The following ITGA8 variants were observed in gnomAD, a reference collection of about 807,000 sequenced individuals.
ITGA8 encodes the protein integrin subunit alpha 8, also known as integrin alpha-8.
A neutral mutation model predicts 142.3 loss-of-function variants in ITGA8; 91 were observed. The observed-to-expected ratio is 0.64, with a 90% CI of 0.54 to 0.76. The LOEUF is 0.76. Among genes scored for constraint, ITGA8 ranks in the 30% least tolerant of loss-of-function variants. The probability of loss-of-function intolerance (pLI) is 0.00; values close to 1 mark genes in which losing one functional copy is unlikely to be tolerated. For synonymous variants in ITGA8, 505 were observed against 485.2 expected, an observed-to-expected ratio of 1.04 and a Z score of -0.54; for missense variants, 1,406 against 1,327.7, an observed-to-expected ratio of 1.06 and a Z score of -0.92.
At chr10:15,712,538 T>C (rs1469754708) in intron 2 of ITGA8, among the ~76,000 whole-genome samples, 1 of 151,834 alleles carries the variant, frequency 6.6e-6, no homozygotes, top group Admixed American at 6.6e-5. Flanking sequence ...GAGATGGAGG[T>C]TGCAGTTAGC....
At chr10:15,609,951 G>A (rs1479699600) in intron 15 of ITGA8, among the ~76,000 whole-genome samples, 1 of 151,940 alleles carries the variant, frequency 6.6e-6, no homozygotes, top group Non-Finnish European at 1.5e-5. Context: ...CTTATGGGAT[G>A]GTATATAGTT....
At chr10:15,674,466 G>A (rs1834588448) in intron 6 of ITGA8, among the ~76,000 whole-genome samples, 2 of 152,172 alleles carry the variant, frequency 1.3e-5, no homozygotes, top group Admixed American at 1.3e-4. Context: ...TTAACCAAGT[G>A]AATTAGAAGA....
chr10:15,569,392 C>T (rs986530631), intron 25 of ITGA8, among the ~76,000 whole-genome samples: 1 of 152,140 alleles, frequency 6.6e-6, no homozygotes, highest in African/African-American at 2.4e-5. Context: ...GAGGCACTTA[C>T]TATCTAGATC....
At chr10:15,531,431 T>C (rs1252046375) in intron 27 of ITGA8, among the ~76,000 whole-genome samples, 1 of 120,122 alleles carries the variant, frequency 8.3e-6, no homozygotes, top group Non-Finnish European at 1.9e-5. Flanking sequence ...TCCATTTATC[T>C]TCTTCCTATT....
At chr10:15,617,681 G>A (rs757183439) in intron 13 of ITGA8, among the ~76,000 whole-genome samples, 1 of 152,188 alleles carries the variant, frequency 6.6e-6, no homozygotes. Flanking sequence ...TTACAGGCAT[G>A]AGCCACTGCA....
intron 7 of ITGA8, among the ~76,000 whole-genome samples, chr10:15,672,252 A>C (rs1160789661): frequency 1.3e-5 from 2 of 152,216 alleles, no homozygotes; most frequent in African/African-American, 4.8e-5. Flanking sequence ...TTTGTGCATA[A>C]TATAATTTGA....
At chr10:15,699,000 A>C (rs940261016) in intron 2 of ITGA8, among the ~76,000 whole-genome samples, 1 of 152,178 alleles carries the variant, frequency 6.6e-6, no homozygotes, top group African/African-American at 2.4e-5. Flanking sequence ...AAAACATGGC[A>C]TTTGGCTAGG....
chr10:15,696,466 A>G (rs1466741902), intron 2 of ITGA8, among the ~76,000 whole-genome samples: 3 of 152,202 alleles, frequency 2.0e-5, no homozygotes, highest in African/African-American at 7.2e-5. Context: ...GGATCCGAAC[A>G]GGCATTACAG....
intron 25 of ITGA8, among the ~76,000 whole-genome samples, chr10:15,560,349 G>A (rs1332560838): frequency 3.3e-5 from 5 of 152,036 alleles, no homozygotes; most frequent in Admixed American, 1.3e-4. Context: ...TGGTGGAGGT[G>A]GAAATTTAAC....
At chr10:15,583,446 T>C (rs1392981724) in intron 23 of ITGA8, among the ~76,000 whole-genome samples, 3 of 152,174 alleles carry the variant, frequency 2.0e-5, no homozygotes, top group East Asian at 1.9e-4. Flanking sequence ...CAAACCATCA[T>C]GGCACTTGTA....
At chr10:15,698,589 T>C (rs1013940798) in intron 2 of ITGA8, among the ~76,000 whole-genome samples, 23 of 152,218 alleles carry the variant, frequency 1.5e-4, no homozygotes, top group Non-Finnish European at 8.8e-5. Flanking sequence ...TTAAAATTTT[T>C]TAATTATAGC....
chr10:15,529,051 CCTTCCTTTCTTCCTTT>C (rs202182852), intron 28 of ITGA8, among the ~76,000 whole-genome samples: 4 of 149,912 alleles, frequency 2.7e-5, no homozygotes, highest in South Asian at 2.1e-4. Flanking sequence ...CTCCTTCCTT[CCTTCCTTTCTTCCTTT>C]CTTCCTTTCT....
intron 2 of ITGA8, among the ~76,000 whole-genome samples, chr10:15,688,946 C>T (rs933177726): frequency 6.6e-6 from 1 of 152,180 alleles, no homozygotes; most frequent in Non-Finnish European, 1.5e-5. Context: ...AACAAATGCT[C>T]ACTCTCCCCA....
intron 25 of ITGA8, among the ~76,000 whole-genome samples, chr10:15,558,968 C>T (rs906934899): frequency 1.1e-4 from 17 of 152,138 alleles, no homozygotes; most frequent in African/African-American, 2.9e-4. Context: ...TTCTGTTCCC[C>T]ACTCCCACCC....
intron 4 of ITGA8, among the ~76,000 whole-genome samples, chr10:15,682,765 T>A (rs1404448718): frequency 6.6e-6 from 1 of 151,306 alleles, no homozygotes; most frequent in East Asian, 2.0e-4. Context: ...GTGGGAGGAT[T>A]GCTTGAGCCC....
chr10:15,718,967 G>T (rs1835505970), intron 1 of ITGA8, 68 bp from the exon 2 acceptor site: 5 of 1,607,848 alleles, frequency 3.1e-6, no homozygotes, highest in Non-Finnish European at 4.2e-6. Flanking sequence ...TGCAGTCTCT[G>T]TAACCTCCTG....
At chr10:15,564,795 G>T (rs1285818702) in intron 25 of ITGA8, among the ~76,000 whole-genome samples, 1 of 152,182 alleles carries the variant, frequency 6.6e-6, no homozygotes, top group Non-Finnish European at 1.5e-5. Context: ...ATTTGTTTTT[G>T]GATTTCAGGT....
chr10:15,548,617 A>C (rs1833726808), intron 26 of ITGA8, 49 bp from the exon 27 acceptor site: 2 of 1,132,426 alleles, frequency 1.8e-6, no homozygotes, highest in Non-Finnish European at 2.6e-6. Flanking sequence ...CATGGTAGAG[A>C]CTGAACACTG....
chr10:15,525,344 C>G (rs138959823), intron 28 of ITGA8, among the ~76,000 whole-genome samples: 122 of 151,958 alleles, frequency 8.0e-4, no homozygotes, highest in Non-Finnish European at 1.2e-3. Context: ...CTAATAGTCA[C>G]GTTAAAAGGA....
Sources: gnomAD v4.1 joint callset for allele counts (sites outside exome capture counted in the v4.1 genomes callset) on GRCh38, gnomAD v4.1.1 for gene constraint, MANE v1.5 for transcripts, NCBI Gene and HGNC (gene_info 2026-07-23, HGNC 2026-07-21) for gene names.